RYR3: variants seen among roughly 807,000 people sequenced by gnomAD.
RYR3 encodes ryanodine receptor 3.
RYR3 carries 207 observed loss-of-function variants against 584.3 expected under a neutral mutation model. That is an observed-to-expected ratio of 0.35 (90% confidence interval 0.32 to 0.40). The LOEUF (loss-of-function observed/expected upper bound fraction) is 0.40, where lower values mean the gene tolerates loss of function less well. Ranked by LOEUF, RYR3 falls within the 10% of genes least tolerant of loss-of-function variation. The pLI is 1.00. For missense variants in RYR3, 5,616 were observed against 6,089.2 expected, an observed-to-expected ratio of 0.92 and a Z score of 2.59; for synonymous variants, 2,416 against 2,248.5, an observed-to-expected ratio of 1.07 and a Z score of -2.11.
chr15:33,860,533 T>A, intron 100 of RYR3, 62 bp from the exon 101 acceptor site: 1 of 984,252 alleles, frequency 1.0e-6, no homozygotes, highest in South Asian at 2.0e-5. Flanking sequence ...CTTCTTCCTT[T>A]ATCATTCCTC....
intron 64 of RYR3, among the ~76,000 whole-genome samples, chr15:33,775,501 C>T (rs1327365134): frequency 6.6e-6 from 1 of 152,118 alleles, no homozygotes; most frequent in Non-Finnish European, 1.5e-5. Flanking sequence ...TCATGTTCTC[C>T]CCCAGCTAAA....
At chr15:33,461,037 C>T (rs569260538) in intron 1 of RYR3, among the ~76,000 whole-genome samples, 5 of 148,844 alleles carry the variant, frequency 3.4e-5, no homozygotes, top group South Asian at 2.2e-4. Context: ...CTCCGCCTCC[C>T]GGGTTCACGC....
At position 33,615,569 on chromosome 15, in the gene RYR3, A is replaced by C. The variant is rs1001950748; in HGVS notation, c.2357+2194A>C. 4.6e-5 allele frequency among the ~76,000 whole-genome samples: 7 copies of C among 152,324 alleles called. No homozygotes were observed. In the East Asian group the frequency reaches 1.2e-3, roughly 25 times the overall value. Reference sequence around the variant, plus strand: ...TATTGGCATTGTTTGAGGTTCTTGTAACAAATGGAGAACCAGTAGAGTAAA... The same window carrying C: ...TATTGGCATTGTTTGAGGTTCTTGTCACAAATGGAGAACCAGTAGAGTAAA... On this transcript the variant is annotated intron_variant, in intron 19 of 103. Coordinates refer to ENST00000634891, the MANE Select transcript of RYR3 (RefSeq NM_001036.6).
chr15:33,808,316 C>G lies in RYR3; in HGVS notation c.10026+747C>G, dbSNP rs567769113. On this transcript the variant is annotated intron_variant, in intron 70 of 103. Transcript: ENST00000634891. ...ATCCCATTCTCATTTACAAAACTGA[C>G]TGGTTTCAGGGGTTTTGGGAGGATC... 3.3e-5 allele frequency among the ~76,000 whole-genome samples: 5 copies of G among 152,312 alleles called. No individual in the cohort carries two copies. The South Asian group carries it at 1.0e-3, about 32-fold the overall frequency.
intron 38 of RYR3, among the ~76,000 whole-genome samples, chr15:33,687,270 A>G (rs912278989): frequency 1.3e-5 from 2 of 152,242 alleles, no homozygotes; most frequent in African/African-American, 4.8e-5. Flanking sequence ...CTATACACCA[A>G]TAACAGACAA....
intron 1 of RYR3, among the ~76,000 whole-genome samples, chr15:33,326,828 G>T (rs888644508): frequency 2.0e-5 from 3 of 152,104 alleles, no homozygotes; most frequent in Non-Finnish European, 2.9e-5. Context: ...TAAAAATTTT[G>T]AACATACTTA....
chr15:33,662,420 C>T lies in RYR3; in HGVS notation c.4890C>T (p.Ile1630=). ...AGCTGATGATGAAGAACGAGTACATCATCCCCATTACCAGCACCACCAGGA... is the reference window on the plus strand; with the variant it reads ...AGCTGATGATGAAGAACGAGTACATTATCCCCATTACCAGCACCACCAGGA... ...ERKLMMKNEY[I]IPITSTTRNI... is the part of the protein sequence containing the mutation. Residue 1630 remains isoleucine (I), a synonymous_variant, in exon 35 of 104, where the codon ATC becomes ATT. Transcript: ENST00000634891. 1 of 1,613,954 alleles carries T rather than the reference C, an allele frequency of 6.2e-7. No homozygotes were observed. Among genetic ancestry groups the T allele is most frequent in the Middle Eastern group, 1.6e-4 (1 of 6,062 alleles).
Position 33,837,936 on chromosome 15 carries a change from C to A in RYR3, c.11956C>A (p.Pro3986Thr). 6.2e-7 allele frequency: 1 copy of A among 1,613,952 alleles called. No homozygotes were observed. The highest frequency in any genetic ancestry group is 8.5e-7 in the Non-Finnish European group (1 of 1,179,886). ...TGATTTTGTAGACCGGTTCCATGAG[C>A]CAGCCAAGGACATAGGGTTTAATGT... ...YVDFVDRFHE[P>T]AKDIGFNVAV... The change falls in exon 89 of 104, where the codon CCA becomes ACA. Residue 3986 changes from proline to threonine, a missense_variant. Pro to Thr is a conservative substitution (Grantham distance 38). Transcript: ENST00000634891.
chr15:33,696,691 T>C (rs540508214), intron 39 of RYR3, among the ~76,000 whole-genome samples, 200 bp downstream of exon 39: 11 of 152,284 alleles, frequency 7.2e-5, no homozygotes, highest in African/African-American at 2.2e-4. Flanking sequence ...GCTAAAAGTA[T>C]GGAGGAGTCT....
intron 3 of RYR3, among the ~76,000 whole-genome samples, chr15:33,511,789 A>AT (rs1010871440): frequency 3.3e-5 from 5 of 151,834 alleles, no homozygotes; most frequent in African/African-American, 4.8e-5. Flanking sequence ...TTAATTTTTT[A>AT]TTTTTTTGAG....
At chr15:33,533,531 A>G in intron 5 of RYR3, 142 bp downstream of exon 5, 1 of 605,474 alleles carries the variant, frequency 1.7e-6, no homozygotes, top group Non-Finnish European at 3.0e-6. Flanking sequence ...ATTGCAGAAT[A>G]ATGAACTAGA....
rs187798324 is a variant in RYR3 at position 33,855,386 on chromosome 15, T to G, written c.14007+474T>G. Among the ~76,000 whole-genome samples, 19 of 152,302 alleles carry G rather than the reference T, an allele frequency of 1.2e-4. No individual in the cohort carries two copies. The East Asian group carries it at 3.5e-3, about 28-fold the overall frequency. On this transcript the variant is annotated intron_variant, in intron 98 of 103. Coordinates refer to ENST00000634891, the MANE Select transcript of RYR3 (RefSeq NM_001036.6). ...GCCCGGCTAATTTTTGTATTTTTAGTAGAGACGGGGTTTCACCATGTTGGC... is the reference window on the plus strand; with the variant it reads ...GCCCGGCTAATTTTTGTATTTTTAGGAGAGACGGGGTTTCACCATGTTGGC...
In RYR3 at chr15:33,865,281, G is replaced by C. The variant is rs189119843; in HGVS notation, c.*55G>C. ...GACAGTCAACTTCCCATGAAATAAA[G>C]TCCCCTTTTTACAGTTCTGCAACAT... On this transcript the variant is annotated 3_prime_UTR_variant, in exon 104 of 104. Coordinates refer to ENST00000634891, the MANE Select transcript of RYR3 (RefSeq NM_001036.6). The C allele has an allele frequency of 1.4e-4, 182 of 1,310,788 alleles. 1 individual carries two copies. In the East Asian group the frequency reaches 4.0e-3, roughly 29 times the overall value. 81.2% of individuals were successfully genotyped at this position (1,310,788 alleles called of 1,614,324 possible). A position where few individuals can be genotyped will look rare whatever the true frequency, so the allele number is the denominator to read the frequency against.
At chr15:33,748,802 C>T (rs115445272) in intron 55 of RYR3, among the ~76,000 whole-genome samples, 1,976 of 152,226 alleles carry the variant, frequency 0.013, 30 homozygotes, top group African/African-American at 0.045. Flanking sequence ...CATTCCTCAG[C>T]ATCCATGAAA....
intron 38 of RYR3, among the ~76,000 whole-genome samples, chr15:33,676,585 G>A (rs140357061): frequency 0.011 from 1,711 of 152,312 alleles, 18 homozygotes; most frequent in Non-Finnish European, 0.015. Flanking sequence ...ACATGCAGAT[G>A]GGGTCAGTGT....
At chr15:33,358,655 TA>T (rs35316835) in intron 1 of RYR3, among the ~76,000 whole-genome samples, 3,450 of 135,706 alleles carry the variant, frequency 0.025, 72 homozygotes, top group African/African-American at 0.056. Flanking sequence ...GTGGTATCGT[TA>T]AAAAAAAAAA....
chr15:33,472,347 C>T (rs1439221428), intron 1 of RYR3, among the ~76,000 whole-genome samples: 2 of 152,206 alleles, frequency 1.3e-5, no homozygotes, highest in African/African-American at 2.4e-5. Context: ...ATTCTAGACA[C>T]AGTTTAAGAA....
chr15:33,326,775 CTTTAGGTAATGG>C (rs972837471), intron 1 of RYR3, among the ~76,000 whole-genome samples: 17 of 152,096 alleles, frequency 1.1e-4, no homozygotes, highest in African/African-American at 4.1e-4. Context: ...GGCCTTAATT[CTTTAGGTAATGG>C]AGAACTAGCT....
intron 1 of RYR3, among the ~76,000 whole-genome samples, chr15:33,363,757 C>T (rs1197019518): frequency 1.3e-5 from 2 of 152,130 alleles, no homozygotes; most frequent in African/African-American, 4.8e-5. Context: ...TCAGAACTTT[C>T]TGTGTCTCTA....
Sources: allele counts gnomAD v4.1 joint callset (sites outside exome capture counted in the v4.1 genomes callset), GRCh38; gene constraint gnomAD v4.1.1; transcripts MANE v1.5; gene names NCBI Gene and HGNC (gene_info 2026-07-23, HGNC 2026-07-21).